The following CLOCK variants were observed in gnomAD, a reference collection of about 807,000 sequenced individuals.
CLOCK encodes the protein clock circadian regulator, also known as circadian locomoter output cycles protein kaput.
In CLOCK, 43 loss-of-function variants were observed where a neutral mutation model predicts 118.4. The ratio of observed to expected loss-of-function variants is 0.36; its 90% CI spans 0.28 to 0.47. The LOEUF (loss-of-function observed/expected upper bound fraction) is 0.47, where lower values mean the gene tolerates loss of function less well. Ranked by LOEUF, CLOCK falls within the 20% of genes least tolerant of loss-of-function variation. The pLI, the probability that CLOCK is intolerant of heterozygous loss-of-function variation, is 1.00. For synonymous variants in CLOCK, 326 were observed against 339.2 expected (o/e 0.96, Z 0.43); for missense variants, 846 against 999.9 (o/e 0.85, Z 2.08).
intron 1 of CLOCK, among the ~76,000 whole-genome samples, chr4:55,532,430 A>T (rs1730610814): frequency 6.6e-6 from 1 of 152,178 alleles, no homozygotes; most frequent in African/African-American, 2.4e-5. Flanking sequence ...AATCCACAAA[A>T]AAACTGTTAG....
chr4:55,508,844 G>A lies in CLOCK; in HGVS notation c.-136+1068C>T, dbSNP rs145974545. ...CCTGACCTCATAATCTGCCTGCCTC[G>A]GCCTCCCAAAGTGCTGGGGTCTCTG... On this transcript the variant is annotated intron_variant, in intron 2 of 22. Transcript: ENST00000513440. 9.2e-5 allele frequency among the ~76,000 whole-genome samples: 14 copies of A among 152,110 alleles called. No homozygotes were observed. In the East Asian group the frequency reaches 1.4e-3, roughly 15 times the overall value.
At chr4:55,441,885 A>G (rs375873122) in intron 21 of CLOCK, among the ~76,000 whole-genome samples, 54 of 152,220 alleles carry the variant, frequency 3.5e-4, no homozygotes, top group African/African-American at 1.3e-3. Flanking sequence ...TGAAATGAAG[A>G]CACCAAGGTC....
chr4:55,497,617 T>C (rs1441910030), intron 2 of CLOCK, among the ~76,000 whole-genome samples: 1 of 152,232 alleles, frequency 6.6e-6, no homozygotes, highest in Non-Finnish European at 1.5e-5. Context: ...TCTTAACTTC[T>C]GAACTATCTT....
intron 14 of CLOCK, chr4:55,453,462 A>C (rs1577708090): frequency 6.1e-6 from 3 of 495,828 alleles, no homozygotes; most frequent in East Asian, 6.4e-5. Context: ...TTCTGCTGTA[A>C]AGCACAAAAT....
At chr4:55,542,918 G>C (rs1488210143) in intron 1 of CLOCK, among the ~76,000 whole-genome samples, 1 of 152,136 alleles carries the variant, frequency 6.6e-6, no homozygotes, top group Admixed American at 6.5e-5. Context: ...GGACTCTAAA[G>C]AGTCCTATAA....
chr4:55,488,773 T>A (rs886411659), intron 3 of CLOCK, among the ~76,000 whole-genome samples: 1 of 152,164 alleles, frequency 6.6e-6, no homozygotes, highest in Admixed American at 6.5e-5. Context: ...TCTCACTCTG[T>A]CTCCCAGGCT....
intron 8 of CLOCK, among the ~76,000 whole-genome samples, chr4:55,467,040 C>A (rs948015030): frequency 1.3e-5 from 2 of 152,084 alleles, no homozygotes; most frequent in African/African-American, 2.4e-5. Flanking sequence ...GTATAGTGCA[C>A]ATGGGAATTC....
At chr4:55,444,927 C>T in intron 18 of CLOCK, 142 bp from the exon 19 acceptor site, 1 of 885,594 alleles carries the variant, frequency 1.1e-6, no homozygotes, top group East Asian at 2.7e-5. Context: ...GTTTCTAATC[C>T]ACCCATCTTT....
At chr4:55,491,741 T>C (rs1191564223) in intron 2 of CLOCK, among the ~76,000 whole-genome samples, 1 of 152,140 alleles carries the variant, frequency 6.6e-6, no homozygotes, top group Non-Finnish European at 1.5e-5. Flanking sequence ...GGTATTCATA[T>C]AATGGAATGC....
chr4:55,460,502 T>G (rs1425319724), intron 9 of CLOCK, among the ~76,000 whole-genome samples: 1 of 152,236 alleles, frequency 6.6e-6, no homozygotes, highest in Non-Finnish European at 1.5e-5. Flanking sequence ...ATTTGGTCTC[T>G]TCTCTTCCCA....
intron 2 of CLOCK, among the ~76,000 whole-genome samples, chr4:55,492,045 T>C (rs1727736289): frequency 6.6e-6 from 1 of 152,132 alleles, no homozygotes; most frequent in South Asian, 2.1e-4. Flanking sequence ...TCAAACTCTT[T>C]ATGAAGCCAG....
Position 55,472,532 on chromosome 4 carries a change from C to T in CLOCK, c.349-1726G>A, listed in dbSNP as rs1726215853. Among the ~76,000 whole-genome samples the T allele has an allele frequency of 1.4e-5, 2 of 147,140 alleles. 1 individual carries two copies. Among genetic ancestry groups the T allele is most frequent in the African/African-American group, 5.4e-5 (2 of 36,798 alleles). ...TGGTCAATACACTAAATTCTAATTTCTTGTTTACTTAAATGGCTCTCGAAA... is the reference window on the plus strand; with the variant it reads ...TGGTCAATACACTAAATTCTAATTTTTTGTTTACTTAAATGGCTCTCGAAA... On this transcript the variant is annotated intron_variant, in intron 7 of 22. Transcript: ENST00000513440.
intron 11 of CLOCK, among the ~76,000 whole-genome samples, chr4:55,458,333 A>G (rs1328405644): frequency 6.6e-6 from 1 of 152,108 alleles, no homozygotes; most frequent in Non-Finnish European, 1.5e-5. Context: ...AAGTGCTGGG[A>G]TTACAGGCAT....
At chr4:55,455,043 T>C (rs765113349) in intron 13 of CLOCK, among the ~76,000 whole-genome samples, 2 of 152,196 alleles carry the variant, frequency 1.3e-5, no homozygotes, top group Non-Finnish European at 2.9e-5. Flanking sequence ...ATAGAGTTAA[T>C]GCTATTATAC....
intron 1 of CLOCK, among the ~76,000 whole-genome samples, chr4:55,532,857 AGGGGTCGGGTCG>A (rs925974872): frequency 6.4e-4 from 98 of 151,998 alleles, no homozygotes; most frequent in African/African-American, 2.3e-3. Context: ...AACAAAGAAA[AGGGGTCGGGTCG>A]GGGGGGTAGT....
chr4:55,464,061 T>C (rs1353478189), intron 8 of CLOCK, among the ~76,000 whole-genome samples: 3 of 152,166 alleles, frequency 2.0e-5, no homozygotes, highest in Non-Finnish European at 2.9e-5. Context: ...TCTGAACATT[T>C]CAAAATACAA....
At chr4:55,451,401 GT>G (rs1468476731) in intron 15 of CLOCK, among the ~76,000 whole-genome samples, 1 of 152,118 alleles carries the variant, frequency 6.6e-6, no homozygotes, top group African/African-American at 2.4e-5. Context: ...TTACCCCCCT[GT>G]TGTTGATTCT....
chr4:55,477,265 T>C (rs1042404276), intron 6 of CLOCK, among the ~76,000 whole-genome samples: 1 of 152,098 alleles, frequency 6.6e-6, no homozygotes, highest in Non-Finnish European at 1.5e-5. Context: ...CGGGGAAATA[T>C]ATGCATTTCA....
intron 1 of CLOCK, among the ~76,000 whole-genome samples, chr4:55,524,119 C>T (rs1158600102): frequency 6.6e-6 from 1 of 151,972 alleles, no homozygotes; most frequent in African/African-American, 2.4e-5. Flanking sequence ...CCGGGCATAG[C>T]AGCTGATGTT....
Sources: allele counts gnomAD v4.1 joint callset (sites outside exome capture counted in the v4.1 genomes callset), GRCh38; gene constraint gnomAD v4.1.1; transcripts MANE v1.5; gene names NCBI Gene and HGNC (gene_info 2026-07-23, HGNC 2026-07-21).